Variants in ZRANB3 observed in about 807,000 individuals in gnomAD.
The protein encoded by ZRANB3 is DNA annealing helicase and endonuclease ZRANB3.
A neutral mutation model predicts 133.8 loss-of-function variants in ZRANB3; 125 were observed. The observed-to-expected ratio is 0.93, with a 90% CI of 0.81 to 1.08. ZRANB3 has a LOEUF of 1.08. Among genes scored for constraint, ZRANB3 ranks in the 50% least tolerant of loss-of-function variants. ZRANB3 has a pLI of 0.00. For missense variants in ZRANB3, 1,229 were observed against 1,275.5 expected, an observed-to-expected ratio of 0.96 and a Z score of 0.56; for synonymous variants, 387 against 432.7, an observed-to-expected ratio of 0.89 and a Z score of 1.31.
intron 6 of ZRANB3, among the ~76,000 whole-genome samples, chr2:135,317,813 C>CCATG (rs1184859886): frequency 6.6e-6 from 1 of 152,070 alleles, no homozygotes; most frequent in Non-Finnish European, 1.5e-5. Context: ...CTGGTATGAA[C>CCATG]CATGGTTCAG....
At chr2:135,377,412 T>C (rs949200324) in intron 3 of ZRANB3, among the ~76,000 whole-genome samples, 1 of 152,140 alleles carries the variant, frequency 6.6e-6, no homozygotes, top group East Asian at 1.9e-4. Context: ...AAAATGAAAT[T>C]AGTTTTTTTT....
intron 17 of ZRANB3, among the ~76,000 whole-genome samples, chr2:135,217,229 T>C (rs1025762960): frequency 6.6e-6 from 1 of 152,198 alleles, no homozygotes; most frequent in African/African-American, 2.4e-5. Flanking sequence ...TTTTGTTGAT[T>C]GATGGGACTC....
At chr2:135,442,389 A>G (rs1377028117) in intron 2 of ZRANB3, among the ~76,000 whole-genome samples, 1 of 152,234 alleles carries the variant, frequency 6.6e-6, no homozygotes, top group Non-Finnish European at 1.5e-5. Flanking sequence ...TACAAAGGAT[A>G]TGAACAGACA....
intron 6 of ZRANB3, among the ~76,000 whole-genome samples, chr2:135,327,591 A>T (rs1683898173): frequency 1.3e-5 from 2 of 152,210 alleles, no homozygotes; most frequent in South Asian, 4.1e-4. Flanking sequence ...TTACCAAATA[A>T]TTCAAATACT....
intron 6 of ZRANB3, among the ~76,000 whole-genome samples, chr2:135,340,048 A>G: frequency 6.6e-6 from 1 of 150,498 alleles, no homozygotes; most frequent in Non-Finnish European, 1.5e-5. Context: ...TAAATATTTT[A>G]TTCATCTGGA....
chr2:135,472,964 C>T (rs1691341528), intron 2 of ZRANB3, among the ~76,000 whole-genome samples: 1 of 152,176 alleles, frequency 6.6e-6, no homozygotes. Context: ...AATTCACTTT[C>T]ATATTCATTC....
At chr2:135,500,477 A>C (rs1460908490) in intron 2 of ZRANB3, among the ~76,000 whole-genome samples, 1 of 152,156 alleles carries the variant, frequency 6.6e-6, no homozygotes, top group Non-Finnish European at 1.5e-5. Flanking sequence ...AAAAACATAG[A>C]TTGAACTCAC....
rs900497043 is a variant in ZRANB3 at position 135,511,751 on chromosome 2, C to G, written c.-7-7255G>C. The G allele has an allele frequency of 3.9e-6, 3 of 764,428 alleles. No homozygotes were observed. The African/African-American group carries it at 5.1e-5, about 13-fold the overall frequency. The allele number at this position is 764,428 out of a possible 1,614,324, so 47.4% of individuals were successfully genotyped here. A position where few individuals can be genotyped will look rare whatever the true frequency, so the allele number is the denominator to read the frequency against. On this transcript the variant is annotated intron_variant, in intron 1 of 20. Coordinates refer to ENST00000264159, the MANE Select transcript of ZRANB3 (RefSeq NM_032143.4). ...CAGTTGCTGAAGTTTCGTGACATCA[C>G]TTTCCTGTGGATTTCTTTCTGTCCA...
At chr2:135,214,309 C>T (rs1573683108) in intron 17 of ZRANB3, among the ~76,000 whole-genome samples, 1 of 152,168 alleles carries the variant, frequency 6.6e-6, no homozygotes, top group African/African-American at 2.4e-5. Context: ...AATCTCCCAA[C>T]TGCTGCTAGA....
chr2:135,444,625 A>T (rs561095169), intron 2 of ZRANB3, among the ~76,000 whole-genome samples: 217 of 152,296 alleles, frequency 1.4e-3, no homozygotes, highest in Middle Eastern at 6.8e-3. Flanking sequence ...AGAAGGAAAA[A>T]AAGCAACATC....
intron 2 of ZRANB3, among the ~76,000 whole-genome samples, chr2:135,491,379 C>G (rs1179738122): frequency 6.6e-6 from 1 of 152,082 alleles, no homozygotes; most frequent in African/African-American, 2.4e-5. Context: ...CAGTCTTGCT[C>G]TATCACCCAG....
At chr2:135,402,558 T>TGCTGGGATTACAGGGCTTA (rs1687784840) in intron 2 of ZRANB3, among the ~76,000 whole-genome samples, 1 of 151,922 alleles carries the variant, frequency 6.6e-6, no homozygotes, top group East Asian at 1.9e-4. Flanking sequence ...CCTCCCAATG[T>TGCTGGGATTACAGGGCTTA]GCTGGGATTA....
chr2:135,360,531 C>T (rs1685643255), intron 3 of ZRANB3, among the ~76,000 whole-genome samples: 2 of 151,760 alleles, frequency 1.3e-5, no homozygotes, highest in South Asian at 4.1e-4. Flanking sequence ...CGGTGAAACC[C>T]CATCTCCACT....
intron 14 of ZRANB3, 97 bp from the exon 15 acceptor site, chr2:135,224,614 A>G: frequency 3.0e-6 from 2 of 676,598 alleles, no homozygotes; most frequent in African/African-American, 1.8e-5. Flanking sequence ...TGAAATAGCT[A>G]TATCAAAATA....
chr2:135,335,546 T>C (rs557078051), intron 6 of ZRANB3, among the ~76,000 whole-genome samples: 5 of 151,932 alleles, frequency 3.3e-5, no homozygotes, highest in South Asian at 2.1e-4. Flanking sequence ...TACAAAAATT[T>C]GCCTGGTGTG....
intron 2 of ZRANB3, among the ~76,000 whole-genome samples, chr2:135,445,975 C>T (rs921713487): frequency 1.3e-5 from 2 of 150,786 alleles, no homozygotes; most frequent in South Asian, 4.2e-4. Flanking sequence ...GAGGCTGAGG[C>T]GGGTGGATCA....
intron 2 of ZRANB3, among the ~76,000 whole-genome samples, chr2:135,450,214 C>T (rs965547216): frequency 3.3e-5 from 5 of 150,684 alleles, no homozygotes; most frequent in African/African-American, 7.3e-5. Flanking sequence ...TGCAGTAAGC[C>T]GAGATGACGC....
intron 2 of ZRANB3, among the ~76,000 whole-genome samples, chr2:135,404,610 G>T (rs189321137): frequency 3.5e-4 from 54 of 152,242 alleles, no homozygotes; most frequent in Admixed American, 2.0e-3. Context: ...ATGCTACAAA[G>T]ATACTCCTCG....
Position 135,325,941 on chromosome 2 carries a change from A to G in ZRANB3, c.678-10411T>C, listed in dbSNP as rs762234938. 7.0e-4 allele frequency among the ~76,000 whole-genome samples: 107 copies of G among 152,232 alleles called. 3 individuals are homozygous for G. Among genetic ancestry groups the G allele is most frequent in the Non-Finnish European group, 1.6e-4 (11 of 68,046 alleles). ...AAGGAACATGTTAAACAACACCATG[A>G]GGATGCAGGCAGCAGAATCTAGATT... is the stretch of plus-strand genomic sequence containing the variant. On this transcript the variant is annotated intron_variant, in intron 6 of 20. Transcript: ENST00000264159.
Sources: allele counts gnomAD v4.1 joint callset (sites outside exome capture counted in the v4.1 genomes callset), GRCh38; gene constraint gnomAD v4.1.1; transcripts MANE v1.5; gene names NCBI Gene and HGNC (gene_info 2026-07-23, HGNC 2026-07-21).